Variants in PHLDB1 observed in about 807,000 individuals in gnomAD.
The protein encoded by PHLDB1 is pleckstrin homology-like domain family B member 1.
PHLDB1 carries 65 observed loss-of-function variants against 139.3 expected under a neutral mutation model. The ratio of observed to expected loss-of-function variants is 0.47; its 90% CI spans 0.38 to 0.57. PHLDB1 has a LOEUF of 0.57. Among genes scored for constraint, PHLDB1 ranks in the 20% least tolerant of loss-of-function variants. PHLDB1 has a pLI of 0.00. For missense variants in PHLDB1, 1,624 were observed against 1,839.7 expected (o/e 0.88, Z 2.14); for synonymous variants, 679 against 734.5 (o/e 0.92, Z 1.22).
rs781881728 is a variant in PHLDB1 at position 118,627,636 on chromosome 11, AC to A, written c.816del (p.Ser273ValfsTer41). On this transcript the variant is annotated frameshift_variant, in exon 6 of 23. Transcript: ENST00000600882. LOFTEE classifies it high-confidence loss of function. Reference protein sequence around the residue: ...ASSGSCASHSPSGQEPGPSVP... With the variant: ...ASSGSCASHSXSGQEPGPSVP... ...GCAGTGGAAGCTGTGCCAGTCACTC[AC>A]CCAGTGGGCAAGAGCCAGGACCTTC... 1 of 1,612,450 alleles carries A rather than the reference AC, an allele frequency of 6.2e-7. No individual in the cohort carries two copies. The highest frequency in any genetic ancestry group is 8.5e-7 in the Non-Finnish European group (1 of 1,180,006).
chr11:118,612,722 C>G (rs1354281923), intron 1 of PHLDB1, among the ~76,000 whole-genome samples: 1 of 152,246 alleles, frequency 6.6e-6, no homozygotes, highest in African/African-American at 2.4e-5. Context: ...GGGTCAGACA[C>G]TCCTTGGAAT....
intron 15 of PHLDB1, chr11:118,644,621 C>A: frequency 7.8e-7 from 1 of 1,281,922 alleles, no homozygotes; most frequent in Non-Finnish European, 1.0e-6. Flanking sequence ...TCTACCGTAC[C>A]CTCTGCCTGG....
At chr11:118,639,479 G>T in intron 12 of PHLDB1, 250 of 487,422 alleles carry the variant, frequency 5.1e-4, no homozygotes, top group East Asian at 9.4e-4. Context: ...AGATTTCACT[G>T]TTTTTGGTGG....
In PHLDB1 at chr11:118,650,800, G is replaced by T; in HGVS notation, c.3874+253G>T. On this transcript the variant is annotated intron_variant, in intron 20 of 22. Transcript: ENST00000600882. This position sits in a 1 kb window ranked among gnomAD's most constrained non-coding sequence, Gnocchi z 4.7. ...GTTCTAGGCACTGTTCTAGGCTCTG[G>T]TGATGAGTAAGATGGCCACAGCGCT... 2 of 518,266 alleles carry T rather than the reference G, an allele frequency of 3.9e-6. No homozygotes were observed. The highest frequency in any genetic ancestry group is 7.0e-6 in the Non-Finnish European group (2 of 287,590). The allele number at this position is 518,266 out of a possible 1,614,324, so 32.1% of individuals were successfully genotyped here.
At chr11:118,623,535 G>T (rs935200784) in intron 4 of PHLDB1, among the ~76,000 whole-genome samples, 1 of 152,246 alleles carries the variant, frequency 6.6e-6, no homozygotes, top group East Asian at 1.9e-4. Context: ...CTGAGGCCGG[G>T]CCTGGTGGCC....
rs1179303121 is a variant in PHLDB1 at position 118,611,403 on chromosome 11, C to G, written c.-21-2413C>G. ...ACTCTTGTTCTCCATCGGCCTTACT[C>G]CTTTACAATCTTTATCTCCACTTGA... On this transcript the variant is annotated intron_variant, in intron 1 of 22. Transcript: ENST00000600882. This position sits in a 1 kb window ranked among gnomAD's most constrained non-coding sequence, Gnocchi z 4.7. 6.6e-6 allele frequency among the ~76,000 whole-genome samples: 1 copy of G among 152,194 alleles called. No homozygotes were observed. Among genetic ancestry groups the G allele is most frequent in the African/African-American group, 2.4e-5 (1 of 41,442 alleles).
intron 20 of PHLDB1, 76 bp from the exon 21 acceptor site, chr11:118,655,529 G>A: frequency 2.2e-6 from 2 of 897,028 alleles, no homozygotes; most frequent in Non-Finnish European, 3.7e-6. Context: ...GGAAGCTCAG[G>A]CCATGGAGCT....
rs1218540823 is a variant in PHLDB1 at position 118,610,514 on chromosome 11, C to T, written c.-22+2815C>T. 4 of 980,666 alleles carry T rather than the reference C, an allele frequency of 4.1e-6. No individual in the cohort carries two copies. The highest frequency in any genetic ancestry group is 6.1e-5 in the Admixed American group (1 of 16,270). The allele number at this position is 980,666 out of a possible 1,614,324, so 60.7% of individuals were successfully genotyped here. A position where few individuals can be genotyped will look rare whatever the true frequency, so the allele number is the denominator to read the frequency against. On this transcript the variant is annotated intron_variant, in intron 1 of 22. Transcript: ENST00000600882. This position sits in a 1 kb window ranked among gnomAD's most constrained non-coding sequence, Gnocchi z 8.7. ...GCTTGGGCCGAGGCCGAGGCCGACC[C>T]CCAGGGACACAGGTGAGGCCGGGCG...
At chr11:118,652,942 G>A (rs1948546462) in intron 20 of PHLDB1, 1 of 152,496 alleles carries the variant, frequency 6.6e-6, no homozygotes, top group Admixed American at 6.5e-5. Context: ...CAAAGGAGCA[G>A]ACATTCACAA....
chr11:118,617,551 C>T (rs1941898524), intron 4 of PHLDB1, among the ~76,000 whole-genome samples: 1 of 151,982 alleles, frequency 6.6e-6, no homozygotes, highest in Non-Finnish European at 1.5e-5. Context: ...CTACAACCTC[C>T]ACCTCCTAGG....
At chr11:118,639,045 G>A (rs1295063128) in intron 11 of PHLDB1, 44 bp downstream of exon 11, 4 of 1,576,298 alleles carry the variant, frequency 2.5e-6, no homozygotes, top group Non-Finnish European at 3.5e-6. Context: ...AGTAGGGTAA[G>A]TGGGAGGGGA....
chr11:118,636,563 C>G (rs1181073056), intron 10 of PHLDB1: 2 of 133,240 alleles, frequency 1.5e-5, no homozygotes, highest in Non-Finnish European at 3.3e-5. Flanking sequence ...CTTGGATTAC[C>G]TCAATGCTGT....
chr11:118,613,765 C>T lies in PHLDB1; in HGVS notation c.-21-51C>T, dbSNP rs1940991845. 8 of 1,129,510 alleles carry T rather than the reference C, an allele frequency of 7.1e-6. No homozygotes were observed. In the East Asian group the frequency reaches 1.7e-4, roughly 24 times the overall value. The allele number at this position is 1,129,510 out of a possible 1,614,324, so 70.0% of individuals were successfully genotyped here. Reference sequence around the variant, plus strand: ...ACCCTGCCACAGAACCTACTTCTTTCCCTCTCCTGCCCTGGCCTCCCCACT... The same window carrying T: ...ACCCTGCCACAGAACCTACTTCTTTTCCTCTCCTGCCCTGGCCTCCCCACT... On this transcript the variant is annotated intron_variant, in intron 1 of 22. Transcript: ENST00000600882.
At chr11:118,616,345 G>T in intron 4 of PHLDB1, 134 bp downstream of exon 4, 2 of 718,834 alleles carry the variant, frequency 2.8e-6, no homozygotes, top group South Asian at 1.8e-5. Context: ...GTACTCAGGT[G>T]CATCTGGATG....
At position 118,650,375 on chromosome 11, in the gene PHLDB1, A is replaced by G. The variant is rs1473528429; in HGVS notation, c.3772-70A>G. 7.2e-6 allele frequency: 8 copies of G among 1,114,696 alleles called. No homozygotes were observed. The East Asian group carries it at 1.9e-4, about 26-fold the overall frequency. The allele number at this position is 1,114,696 out of a possible 1,614,324, so 69.1% of individuals were successfully genotyped here. A position where few individuals can be genotyped will look rare whatever the true frequency, so the allele number is the denominator to read the frequency against. On this transcript the variant is annotated intron_variant, in intron 19 of 22. Transcript: ENST00000600882. This position sits in a 1 kb window ranked among gnomAD's most constrained non-coding sequence, Gnocchi z 4.7. ...GACAATCCCCCATGAATACAGGCAC[A>G]GGCGATGGCACACACTTAAGGCTTA...
chr11:118,616,232 A>G (rs1941609210), intron 4 of PHLDB1, 21 bp downstream of exon 4: 2 of 1,609,514 alleles, frequency 1.2e-6, no homozygotes, highest in Non-Finnish European at 1.7e-6. Context: ...ACACCTCCAG[A>G]TGGAGGGGGC....
In PHLDB1 at chr11:118,625,074, G is replaced by C. The variant is rs1943623778; in HGVS notation, c.481+15G>C. ...CCCTGTTCCTGGTAGGTACCGACGG[G>C]GGCAGGGTGCTGGGTTGATGGTGTT... On this transcript the variant is annotated intron_variant, in intron 5 of 22. Transcript: ENST00000600882. 1 of 1,585,182 alleles carries C rather than the reference G, an allele frequency of 6.3e-7. No homozygotes were observed. The highest frequency in any genetic ancestry group is 8.6e-7 in the Non-Finnish European group (1 of 1,167,326).
At chr11:118,644,795 C>T in intron 15 of PHLDB1, 2 of 689,110 alleles carry the variant, frequency 2.9e-6, no homozygotes, top group Non-Finnish European at 4.3e-6. Context: ...AGGCAGGGTC[C>T]CAGGCTGAGC....
chr11:118,639,071 G>T, intron 11 of PHLDB1, 70 bp downstream of exon 11: 3 of 1,549,002 alleles, frequency 1.9e-6, no homozygotes, highest in Non-Finnish European at 1.8e-6. Context: ...GAAGGACTGG[G>T]GTGTAAATGT....
Sources: gnomAD v4.1 joint callset for allele counts (sites outside exome capture counted in the v4.1 genomes callset) on GRCh38, gnomAD v4.1.1 for gene constraint, Gnocchi (gnomAD v3.1) non-coding constraint, MANE v1.5 for transcripts, NCBI Gene and HGNC (gene_info 2026-07-23, HGNC 2026-07-21) for gene names.